The following CNTLN variants were observed in gnomAD, a reference collection of about 807,000 sequenced individuals.
CNTLN encodes the protein centlein, centrosomal protein.
Under a neutral mutation model 180.0 loss-of-function variants are expected in CNTLN, and 212 were observed. The observed-to-expected ratio is 1.18, with a 90% CI of 1.05 to 1.32. The LOEUF (loss-of-function observed/expected upper bound fraction) is 1.32, where lower values mean the gene tolerates loss of function less well. Among genes scored for constraint, CNTLN ranks in the 40% most tolerant of loss-of-function variants. The probability of loss-of-function intolerance (pLI) is 0.00; values close to 1 mark genes in which losing one functional copy is unlikely to be tolerated. For synonymous variants in CNTLN, 722 were observed against 563.1 expected (o/e 1.28, Z -3.99); for missense variants, 2,095 against 1,610.9 (o/e 1.30, Z -5.14).
At chr9:17,198,792 T>C (rs1273769735) in intron 2 of CNTLN, among the ~76,000 whole-genome samples, 28 of 151,844 alleles carry the variant, frequency 1.8e-4, no homozygotes, top group Admixed American at 1.8e-3. Context: ...TGGTTTTCTG[T>C]TTCTGTTTTA....
chr9:17,295,398 G>A lies in CNTLN; in HGVS notation c.984-2792G>A, dbSNP rs148286856. ...CCAGCACACTGGCACCTCTCAGTAG[G>A]TCGATCACTCACCATTTCCCTTGGC... On this transcript the variant is annotated intron_variant, in intron 6 of 25. Transcript: ENST00000380647. 5.0e-3 allele frequency among the ~76,000 whole-genome samples: 769 copies of A among 152,314 alleles called. 5 individuals carry two copies. Among genetic ancestry groups the A allele is most frequent in the African/African-American group, 0.017 (713 of 41,574 alleles).
At chr9:17,505,375 AAG>A (rs1833914405), downstream of CNTLN, among the ~76,000 whole-genome samples, 1 of 152,074 alleles carries the variant, frequency 6.6e-6, no homozygotes, top group African/African-American at 2.4e-5. Flanking sequence ...GGAAAGGAAA[AAG>A]AAAAATAACC....
intron 19 of CNTLN, 64 bp downstream of exon 19, chr9:17,457,779 A>C: frequency 1.0e-6 from 1 of 981,710 alleles, no homozygotes; most frequent in Non-Finnish European, 1.4e-6. Flanking sequence ...AGACATATTT[A>C]TATGAACACT....
intron 5 of CNTLN, 52 bp downstream of exon 5, chr9:17,236,640 A>G (rs1825163562): frequency 2.1e-6 from 3 of 1,437,622 alleles, no homozygotes; most frequent in African/African-American, 2.9e-5. Flanking sequence ...AACTTTTTCT[A>G]GGAAGTTTAA....
intron 2 of CNTLN, among the ~76,000 whole-genome samples, chr9:17,215,168 C>A (rs1823647218): frequency 6.6e-6 from 1 of 152,100 alleles, no homozygotes; most frequent in African/African-American, 2.4e-5. Flanking sequence ...TCTGTTTTTT[C>A]CCCATCTTTG....
chr9:17,373,894 G>A (rs866811555), intron 13 of CNTLN, among the ~76,000 whole-genome samples: 3 of 152,126 alleles, frequency 2.0e-5, no homozygotes, highest in African/African-American at 7.2e-5. Flanking sequence ...AAATACTGCT[G>A]GGAAAACAAG....
rs1822944260 is a variant in CNTLN, at chr9:17,357,507, T to C, written c.1887-9110T>C. On this transcript the variant is annotated intron_variant, in intron 12 of 25. Coordinates refer to ENST00000380647, the MANE Select transcript of CNTLN (RefSeq NM_017738.4). ...TTTATTTTTTGAGGCCATACATATATTATTCTAAATTTATTTACTACTATA... is the reference window on the plus strand; with the variant it reads ...TTTATTTTTTGAGGCCATACATATACTATTCTAAATTTATTTACTACTATA... 3.3e-5 allele frequency among the ~76,000 whole-genome samples: 5 copies of C among 150,028 alleles called. No individual in the cohort carries two copies. In the South Asian group the frequency reaches 1.0e-3, roughly 31 times the overall value.
At chr9:17,463,379 T>TA (rs929289441) in intron 20 of CNTLN, among the ~76,000 whole-genome samples, 13 of 151,682 alleles carry the variant, frequency 8.6e-5, no homozygotes, top group South Asian at 2.1e-4. Flanking sequence ...AAAGCTAAGG[T>TA]AAAAAAAGGA....
chr9:17,355,586 A>G (rs1822772010), intron 12 of CNTLN, among the ~76,000 whole-genome samples: 1 of 152,110 alleles, frequency 6.6e-6, no homozygotes, highest in African/African-American at 2.4e-5. Context: ...TAGGCCTTTC[A>G]TCTACTTTGA....
At chr9:17,517,379 G>C in the CNTLN span, among the ~76,000 whole-genome samples, 3 of 147,486 alleles carry the variant, frequency 2.0e-5, no homozygotes, top group South Asian at 6.4e-4. Flanking sequence ...GCAACAGAGC[G>C]AGACTCCATC....
At chr9:17,480,587 G>A (rs934721358) in intron 23 of CNTLN, among the ~76,000 whole-genome samples, 1 of 152,078 alleles carries the variant, frequency 6.6e-6, no homozygotes, top group Non-Finnish European at 1.5e-5. Context: ...AAGCCATGTG[G>A]AACATTCACA....
intron 5 of CNTLN, among the ~76,000 whole-genome samples, chr9:17,265,202 T>C (rs1379598439): frequency 1.3e-5 from 2 of 150,794 alleles, no homozygotes; most frequent in African/African-American, 4.9e-5. Flanking sequence ...CTTATTATTT[T>C]GAAATACGTC....
intron 2 of CNTLN, among the ~76,000 whole-genome samples, chr9:17,206,279 C>G (rs964035193): frequency 6.6e-6 from 1 of 152,058 alleles, no homozygotes; most frequent in Admixed American, 6.5e-5. Flanking sequence ...AACACAGCAC[C>G]CTTGTTACTT....
chr9:17,457,919 A>G (rs2134161761), intron 19 of CNTLN, among the ~76,000 whole-genome samples: 1 of 152,118 alleles, frequency 6.6e-6, no homozygotes, highest in Admixed American at 6.6e-5. Context: ...GAAAAAGACA[A>G]GATACCATGA....
the CNTLN span, among the ~76,000 whole-genome samples, chr9:17,509,944 A>G: frequency 6.6e-6 from 1 of 152,174 alleles, no homozygotes; most frequent in African/African-American, 2.4e-5. Context: ...CAACAGACAA[A>G]GAAGGGGGTT....
chr9:17,357,763 T>C (rs975591110), intron 12 of CNTLN, among the ~76,000 whole-genome samples: 4 of 151,480 alleles, frequency 2.6e-5, no homozygotes, highest in African/African-American at 9.7e-5. Context: ...TTCTATTTGA[T>C]AGTATTTTTT....
intron 25 of CNTLN, among the ~76,000 whole-genome samples, chr9:17,497,889 T>C (rs1470850619): frequency 6.6e-6 from 1 of 152,184 alleles, no homozygotes; most frequent in Non-Finnish European, 1.5e-5. Flanking sequence ...CTTGTATGTA[T>C]ATATATGTAT....
rs200578080 is a variant in CNTLN at position 17,388,252 on chromosome 9, A to G, written c.2078A>G (p.Lys693Arg). 1.9e-6 allele frequency: 3 copies of G among 1,599,040 alleles called. No individual in the cohort carries two copies. The highest frequency in any genetic ancestry group is 2.6e-6 in the Non-Finnish European group (3 of 1,166,914). ...GAAATGTTGGAGCAGACATTACAGA[A>G]GGTAGTCTAATCTTTAAGATATTGA... Reference protein sequence around the residue: ...GKEMLEQTLQKVTELENRLKS... With the variant: ...GKEMLEQTLQRVTELENRLKS... Residue 693 changes from lysine (K) to arginine (R), a missense_variant and splice_region_variant, in exon 14 of 26, where the codon AAG becomes AGG. Lys to Arg is a conservative substitution (Grantham distance 26). Transcript: ENST00000380647.
intron 8 of CNTLN, among the ~76,000 whole-genome samples, chr9:17,326,927 A>T (rs1820333569): frequency 6.6e-6 from 1 of 152,180 alleles, no homozygotes; most frequent in African/African-American, 2.4e-5. Context: ...CCTAGATGGG[A>T]TCCTGAAACA....
Sources: allele counts gnomAD v4.1 joint callset (sites outside exome capture counted in the v4.1 genomes callset), GRCh38; gene constraint gnomAD v4.1.1; transcripts MANE v1.5; gene names NCBI Gene and HGNC (gene_info 2026-07-23, HGNC 2026-07-21).